CYP27C1: variants seen among roughly 807,000 people sequenced by gnomAD.
The protein encoded by CYP27C1 is cytochrome P450 27C1.
A neutral mutation model predicts 40.6 loss-of-function variants in CYP27C1; 29 were observed. The observed-to-expected ratio is 0.71, with a 90% CI of 0.53 to 0.97. The LOEUF is 0.97. Among genes scored for constraint, CYP27C1 ranks in the 50% least tolerant of loss-of-function variants. CYP27C1 has a pLI of 0.00. For missense variants in CYP27C1, 390 were observed against 485.8 expected (o/e 0.80, Z 1.85); for synonymous variants, 198 against 186.8 (o/e 1.06, Z -0.49).
At position 127,193,748 on chromosome 2, in the gene CYP27C1, C is replaced by T. The variant is rs370189256; in HGVS notation, c.1293+41G>A. 205 of 1,610,140 alleles carry T rather than the reference C, an allele frequency of 1.3e-4. No individual in the cohort carries two copies. In the Middle Eastern group the frequency reaches 1.3e-3, roughly 10 times the overall value. On this transcript the variant is annotated intron_variant, in intron 7 of 8. Coordinates refer to ENST00000664447, the MANE Select transcript of CYP27C1 (RefSeq NM_001367502.1). ...GTAGAAGCAGATTCCAATTCAACCC[C>T]GACCCGCAAGGCCTGGCCACCCCCA...
chr2:127,191,372 C>T (rs1682765693), intron 8 of CYP27C1, among the ~76,000 whole-genome samples: 1 of 152,204 alleles, frequency 6.6e-6, no homozygotes, highest in African/African-American at 2.4e-5. Flanking sequence ...GACCCCATCA[C>T]GAGCTCCAAA....
chr2:127,187,979 C>T (rs181802973), intron 8 of CYP27C1, among the ~76,000 whole-genome samples: 33 of 152,310 alleles, frequency 2.2e-4, no homozygotes, highest in Non-Finnish European at 1.8e-4. Flanking sequence ...TGTACCTACA[C>T]GGTGAGTTTG....
chr2:127,199,258 G>T, intron 5 of CYP27C1, 118 bp downstream of exon 5: 2 of 1,360,082 alleles, frequency 1.5e-6, no homozygotes, highest in South Asian at 1.4e-5. Context: ...TTGCACTCCA[G>T]CCTGGGCAAT....
At chr2:127,204,609 GAAAGAAA>G (rs1683180520) in intron 2 of CYP27C1, among the ~76,000 whole-genome samples, 2 of 102,702 alleles carry the variant, frequency 1.9e-5, no homozygotes, top group South Asian at 5.0e-4. Flanking sequence ...AAGAAAGAAA[GAAAGAAA>G]GAAAGAAAGA....
At position 127,193,105 on chromosome 2, in the gene CYP27C1, C is replaced by T. The variant is rs780194816; in HGVS notation, c.1486G>A (p.Val496Ile). The T allele has an allele frequency of 1.2e-5, 19 of 1,614,158 alleles. No homozygotes were observed. The highest frequency in any genetic ancestry group is 7.7e-5 in the South Asian group (7 of 91,066). Reference protein sequence around the residue: ...RRIAELEIHLVVIQLLQHFEI... With the variant: ...RRIAELEIHLIVIQLLQHFEI... ...CCTCCACGCCCTACCTGGATCACGA[C>T]GAGGTGAATCTCCAGTTCTGCAATT... The change falls in exon 8 of 9, where the codon GTC becomes ATC. Residue 496 changes from valine (V) to isoleucine (I), a missense_variant. Coordinates refer to ENST00000664447, the MANE Select transcript of CYP27C1 (RefSeq NM_001367502.1).
At chr2:127,205,786 G>GA (rs1324265405) in intron 2 of CYP27C1, 114 bp downstream of exon 2, 1 of 982,970 alleles carries the variant, frequency 1.0e-6, no homozygotes, top group Admixed American at 6.1e-5. Flanking sequence ...TCATTCCATG[G>GA]GGGGGTTCTG....
At chr2:127,199,270 G>T in intron 5 of CYP27C1, 106 bp downstream of exon 5, 1 of 1,447,854 alleles carries the variant, frequency 6.9e-7, no homozygotes, top group Non-Finnish European at 9.4e-7. Context: ...CTGGGCAATA[G>T]AGTAAAACTC....
chr2:127,201,360 T>C lies in CYP27C1; in HGVS notation c.674-29A>G. 6.3e-7 allele frequency: 1 copy of C among 1,595,762 alleles called. No homozygotes were observed. The highest frequency in any genetic ancestry group is 8.6e-7 in the Non-Finnish European group (1 of 1,167,216). On this transcript the variant is annotated intron_variant, in intron 3 of 8. Transcript: ENST00000664447. The surrounding 1 kb of genome is among the most constrained non-coding windows in gnomAD (Gnocchi z 6.0). Reference sequence around the variant, plus strand: ...GACAGGAAAGAGAATTTGAAAACCCTCTTCTAGATTATTTACCATACCAAC... The same window carrying C: ...GACAGGAAAGAGAATTTGAAAACCCCCTTCTAGATTATTTACCATACCAAC...
chr2:127,192,849 C>T (rs148902729), intron 8 of CYP27C1, among the ~76,000 whole-genome samples: 3,439 of 96,378 alleles, frequency 0.036, 143 homozygotes, highest in African/African-American at 0.11. Flanking sequence ...CTCACTCTGT[C>T]GCCCAGGCTG....
intron 5 of CYP27C1, among the ~76,000 whole-genome samples, chr2:127,197,412 T>G (rs1288701697): frequency 1.3e-5 from 2 of 152,234 alleles, no homozygotes; most frequent in African/African-American, 4.8e-5. Flanking sequence ...GAGGCTTTTT[T>G]GCCCCTTTAA....
intron 8 of CYP27C1, 32 bp downstream of exon 8, chr2:127,193,062 C>A: frequency 6.2e-7 from 1 of 1,611,928 alleles, no homozygotes; most frequent in South Asian, 1.1e-5. Context: ...GAGGCCGAAC[C>A]CAAAGGCCAA....
Position 127,201,056 on chromosome 2 carries a change from G to A in CYP27C1, c.883+66C>T. The A allele has an allele frequency of 6.8e-7, 1 of 1,470,498 alleles. No homozygotes were observed. The highest frequency in any genetic ancestry group is 2.4e-4 in the Middle Eastern group (1 of 4,120). The allele number at this position is 1,470,498 out of a possible 1,614,324, so 91.1% of individuals were successfully genotyped here. ...CTATGGTCACCCATTGTCTGGATGA[G>A]AGTTAGACACACAACACGGCAGGTC... is the stretch of plus-strand genomic sequence containing the variant. On this transcript the variant is annotated intron_variant, in intron 4 of 8. Transcript: ENST00000664447. The surrounding 1 kb of genome is among the most constrained non-coding windows in gnomAD (Gnocchi z 6.0).
At chr2:127,204,549 GAGAGAGAGAAAGAAAGAA>G (rs1181141126) in intron 2 of CYP27C1, among the ~76,000 whole-genome samples, 66 of 77,910 alleles carry the variant, frequency 8.5e-4, no homozygotes, top group East Asian at 3.6e-3. Flanking sequence ...GAGAGAGAGA[GAGAGAGAGAAAGAAAGAA>G]AGAAAGAAAG....
intron 7 of CYP27C1, 44 bp from the exon 8 acceptor site, chr2:127,193,341 C>A: frequency 6.2e-7 from 1 of 1,608,932 alleles, no homozygotes; most frequent in South Asian, 1.1e-5. Flanking sequence ...GGGGCAGAAT[C>A]ACTCAAGAGC....
In CYP27C1 at chr2:127,201,661, A is replaced by C. The variant is rs1215854644; in HGVS notation, c.674-330T>G. On this transcript the variant is annotated intron_variant, in intron 3 of 8. Transcript: ENST00000664447. The surrounding 1 kb of genome is among the most constrained non-coding windows in gnomAD (Gnocchi z 6.0). ...GAGGACCCTGGGACAGATCTGGAGC[A>C]CAGGTCTGAAATGATGAGCCCTGGG... Among the ~76,000 whole-genome samples, 2 of 152,190 alleles carry C rather than the reference A, an allele frequency of 1.3e-5. No homozygotes were observed. The highest frequency in any genetic ancestry group is 4.8e-5 in the African/African-American group (2 of 41,456).
At chr2:127,204,605 GAA>G (rs1399227019) in intron 2 of CYP27C1, among the ~76,000 whole-genome samples, 2 of 101,690 alleles carry the variant, frequency 2.0e-5, no homozygotes, top group Non-Finnish European at 4.0e-5. Context: ...AAGAAAGAAA[GAA>G]AGAAAGAAAG....
intron 1 of CYP27C1, among the ~76,000 whole-genome samples, chr2:127,210,410 C>T (rs975124919): frequency 3.3e-5 from 5 of 152,130 alleles, no homozygotes; most frequent in African/African-American, 9.7e-5. Flanking sequence ...CAAAAACACA[C>T]CAAAATATAA....
chr2:127,212,305 CT>C lies in CYP27C1; in HGVS notation c.283-6216del, dbSNP rs571508153. ...ACAATTGAGAAGAAGGGACTCCCCC[CT>C]AACTCATTTTATGAAGCCAGAATCA... On this transcript the variant is annotated intron_variant, in intron 1 of 8. Coordinates refer to ENST00000664447, the MANE Select transcript of CYP27C1 (RefSeq NM_001367502.1). Among the ~76,000 whole-genome samples, 480 of 152,320 alleles carry C rather than the reference CT, an allele frequency of 3.2e-3. 9 individuals carry two copies. Among genetic ancestry groups the C allele is most frequent in the Admixed American group, 0.03 (457 of 15,306 alleles).
intron 8 of CYP27C1, among the ~76,000 whole-genome samples, chr2:127,190,342 C>CTTTTT (rs1241035422): frequency 9.3e-5 from 9 of 96,640 alleles, no homozygotes; most frequent in Admixed American, 1.5e-4. Flanking sequence ...TTTTTTTTTT[C>CTTTTT]TTTTTTTTTT....
Sources: allele counts gnomAD v4.1 joint callset (sites outside exome capture counted in the v4.1 genomes callset), GRCh38; gene constraint gnomAD v4.1.1; non-coding constraint Gnocchi (gnomAD v3.1); transcripts MANE v1.5; gene names NCBI Gene and HGNC (gene_info 2026-07-23, HGNC 2026-07-21).